The following KDM5B variants were observed in gnomAD, a reference collection of about 807,000 sequenced individuals.
KDM5B encodes lysine demethylase 5B, also known as lysine-specific demethylase 5B.
KDM5B carries 144 observed loss-of-function variants against 193.4 expected under a neutral mutation model. The observed-to-expected ratio is 0.74, with a 90% CI of 0.65 to 0.86. The LOEUF (loss-of-function observed/expected upper bound fraction) is 0.86, where lower values mean the gene tolerates loss of function less well. Among genes scored for constraint, KDM5B ranks in the 40% least tolerant of loss-of-function variants. The probability of loss-of-function intolerance (pLI) is 0.00; values close to 1 mark genes in which losing one functional copy is unlikely to be tolerated. For missense variants in KDM5B, 1,833 were observed against 1,886.9 expected (o/e 0.97, Z 0.53); for synonymous variants, 668 against 682.6 (o/e 0.98, Z 0.33).
chr1:202,738,872 TTC>T (rs765511926), intron 20 of KDM5B, among the ~76,000 whole-genome samples: 33 of 152,250 alleles, frequency 2.2e-4, no homozygotes, highest in Non-Finnish European at 4.1e-4. Context: ...GTGAATTTAA[TTC>T]TTTTTTTAAA....
intron 1 of KDM5B, among the ~76,000 whole-genome samples, chr1:202,784,441 T>C (rs966786661): frequency 1.3e-5 from 2 of 152,170 alleles, no homozygotes; most frequent in African/African-American, 4.8e-5. Flanking sequence ...ATAAATGCAC[T>C]TGCAAGTTAG....
intron 14 of KDM5B, among the ~76,000 whole-genome samples, chr1:202,747,934 A>G (rs186108609): frequency 6.6e-6 from 1 of 152,268 alleles, no homozygotes; most frequent in East Asian, 1.9e-4. Context: ...AATGTACATT[A>G]AAAAAAGTAA....
At position 202,729,398 on chromosome 1, in the gene KDM5B, C is replaced by T. The variant is rs1414907282; in HGVS notation, c.4498-225G>A. ...CGTGTCTGCTTTGGGGTTAAGACAG[C>T]GCTGCCCTGTGATAAGTAAGCCAAA... is the stretch of plus-strand genomic sequence containing the variant. On this transcript the variant is annotated intron_variant, in intron 26 of 26. Coordinates refer to ENST00000367265, the MANE Select transcript of KDM5B (RefSeq NM_006618.5). The T allele has an allele frequency of 6.5e-5, 40 of 612,592 alleles. No homozygotes were observed. The South Asian group carries it at 7.0e-4, about 11-fold the overall frequency. 37.9% of individuals were successfully genotyped at this position (612,592 alleles called of 1,614,324 possible). A position where few individuals can be genotyped will look rare whatever the true frequency, so the allele number is the denominator to read the frequency against.
intron 1 of KDM5B, 31 bp downstream of exon 1, chr1:202,808,071 G>A (rs1278262335): frequency 1.8e-5 from 29 of 1,599,456 alleles, no homozygotes; most frequent in Non-Finnish European, 2.3e-5. Context: ...CCCCAGCCAC[G>A]AGCTGGATCC....
intron 9 of KDM5B, 100 bp downstream of exon 9, chr1:202,758,291 T>C (rs1656099941): frequency 4.8e-6 from 4 of 840,782 alleles, no homozygotes; most frequent in African/African-American, 3.5e-5. Context: ...TGTGTGACAA[T>C]GCCTACTAGA....
In KDM5B at chr1:202,742,757, A is replaced by T; in HGVS notation, c.2372T>A (p.Phe791Tyr). 1 of 1,614,152 alleles carries T rather than the reference A, an allele frequency of 6.2e-7. No individual in the cohort carries two copies. Among genetic ancestry groups the T allele is most frequent in the Middle Eastern group, 1.6e-4 (1 of 6,062 alleles). The change falls in exon 17 of 27, where the codon TTC becomes TAC. Residue 791 changes from phenylalanine (F) to tyrosine (Y), a missense_variant. Phe to Tyr is a conservative substitution (Grantham distance 22, BLOSUM62 3). Around this residue, in one of 3 missense-constraint regions of KDM5B, gnomAD observed 1,379 missense variants for 1,349.6 expected, o/e 1.02. Transcript: ENST00000367265. ...GTGTCGCAAAAGATCATTGTCTGGG[A>T]ATTTCTTCATTTCAGATTCTTCAAT... ...ALIEESEMKK[F>Y]PDNDLLRHLR... is the part of the protein sequence containing the mutation.
intron 16 of KDM5B, among the ~76,000 whole-genome samples, chr1:202,743,576 G>A (rs1655439005): frequency 6.6e-6 from 1 of 152,108 alleles, no homozygotes; most frequent in Admixed American, 6.6e-5. Context: ...GTGGAGTTAC[G>A]TGTTGGGCTA....
intron 13 of KDM5B, 90 bp downstream of exon 13, chr1:202,750,569 C>T: frequency 7.0e-7 from 1 of 1,422,010 alleles, no homozygotes; most frequent in Non-Finnish European, 9.7e-7. Context: ...GCTACCGCAC[C>T]CAGCCCACAT....
At chr1:202,790,184 A>C (rs1216480311) in intron 1 of KDM5B, among the ~76,000 whole-genome samples, 1 of 150,820 alleles carries the variant, frequency 6.6e-6, no homozygotes, top group African/African-American at 2.4e-5. Flanking sequence ...AGAATCTCAA[A>C]CTCGGGAGGT....
At position 202,750,678 on chromosome 1, in the gene KDM5B, T is replaced by G; in HGVS notation, c.1802A>C (p.Asn601Thr). Residue 601 changes from asparagine to threonine, a missense_variant, in exon 13 of 27, where the codon AAC becomes ACC. Physicochemically the swap from Asn to Thr is moderately conservative, Grantham distance 65 (BLOSUM62 0). Coordinates refer to ENST00000367265, the MANE Select transcript of KDM5B (RefSeq NM_006618.5). ...NQGFNFAEAV[N>T]FCTVDWLPLG... Reference sequence around the variant, plus strand: ...ACATACCCAATCAACAGTGCAGAAGTTAACAGCCTCAGCAAAATTAAAACC... The same window carrying G: ...ACATACCCAATCAACAGTGCAGAAGGTAACAGCCTCAGCAAAATTAAAACC... 1 of 1,614,006 alleles carries G rather than the reference T, an allele frequency of 6.2e-7. No homozygotes were observed. The highest frequency in any genetic ancestry group is 8.5e-7 in the Non-Finnish European group (1 of 1,179,896).
chr1:202,734,667 C>G (rs2102218316), intron 22 of KDM5B, among the ~76,000 whole-genome samples: 1 of 152,300 alleles, frequency 6.6e-6, no homozygotes, highest in Admixed American at 6.5e-5. Flanking sequence ...AATGGAGGAC[C>G]TCTGATGGCA....
In KDM5B at chr1:202,762,729, G is replaced by A. The variant is rs746018377; in HGVS notation, c.888C>T (p.Pro296=). 3.1e-6 allele frequency: 5 copies of A among 1,607,846 alleles called. No individual in the cohort carries two copies. Among genetic ancestry groups the A allele is most frequent in the East Asian group, 2.2e-5 (1 of 44,828 alleles). Residue 296 remains proline, a synonymous_variant, in exon 7 of 27, where the codon CCC becomes CCT. Coordinates refer to ENST00000367265, the MANE Select transcript of KDM5B (RefSeq NM_006618.5). ...TGGTGGCTTTTTTAGATCGACTCTT[G>A]GGCTTTTCCTTCTCATTTTCTACAA... is the stretch of plus-strand genomic sequence containing the variant. ...DYIVENEKEK[P]KSRSKKATNA...
chr1:202,751,945 T>C (rs1572725742), intron 12 of KDM5B, among the ~76,000 whole-genome samples: 1 of 152,324 alleles, frequency 6.6e-6, no homozygotes, highest in African/African-American at 2.4e-5. Flanking sequence ...GAGATTGTGG[T>C]GCTTACTGGT....
At chr1:202,776,577 C>T (rs969802645) in intron 2 of KDM5B, among the ~76,000 whole-genome samples, 1 of 151,948 alleles carries the variant, frequency 6.6e-6, no homozygotes, top group Non-Finnish European at 1.5e-5. Context: ...ATATAAAATA[C>T]AGGGTCTTGC....
At chr1:202,731,166 C>A in intron 24 of KDM5B, 103 bp from the exon 25 acceptor site, 1 of 799,772 alleles carries the variant, frequency 1.3e-6, no homozygotes, top group Admixed American at 3.1e-5. Context: ...AATACCACTA[C>A]TACCCTCTCC....
chr1:202,754,548 C>G (rs1198203877), intron 11 of KDM5B, among the ~76,000 whole-genome samples: 2 of 152,210 alleles, frequency 1.3e-5, no homozygotes, highest in Non-Finnish European at 2.9e-5. Flanking sequence ...AGTCATTACA[C>G]AGACCTGGAG....
intron 16 of KDM5B, among the ~76,000 whole-genome samples, chr1:202,743,065 G>C (rs1655411223): frequency 6.6e-6 from 1 of 152,140 alleles, no homozygotes; most frequent in African/African-American, 2.4e-5. Flanking sequence ...GGCGGGTACA[G>C]TGGCTCACGC....
intron 7 of KDM5B, 51 bp from the exon 8 acceptor site, chr1:202,760,624 A>AT: frequency 7.3e-7 from 1 of 1,370,388 alleles, no homozygotes; most frequent in Non-Finnish European, 9.9e-7. Flanking sequence ...CTATTATTTG[A>AT]TTTTCTAAAA....
rs1238087389 is a variant in KDM5B at position 202,753,672 on chromosome 1, TTTG to T, written c.1539-608_1539-606del. On this transcript the variant is annotated intron_variant, in intron 11 of 26. Transcript: ENST00000367265. ...TCTCTTTTGTTGTTGTTGTTTTTTT[TTTG>T]TTTTTTTTTTTTGAGACTGAGTCTT... Among the ~76,000 whole-genome samples, 36 of 115,832 alleles carry T rather than the reference TTTG, an allele frequency of 3.1e-4. 1 individual carries two copies. Among genetic ancestry groups the T allele is most frequent in the South Asian group, 1.2e-3 (4 of 3,204 alleles). The allele number at this position is 115,832 out of a possible 152,430, so 76.0% of individuals were successfully genotyped here.
Sources: allele counts gnomAD v4.1 joint callset (sites outside exome capture counted in the v4.1 genomes callset), GRCh38; gene constraint gnomAD v4.1.1; regional missense constraint gnomAD v4.1.1; transcripts MANE v1.5; gene names NCBI Gene and HGNC (gene_info 2026-07-23, HGNC 2026-07-21).